Variants in TACC2 observed in about 807,000 individuals in gnomAD.
TACC2 encodes the protein transforming acidic coiled-coil-containing protein 2.
Under a neutral mutation model 227.3 loss-of-function variants are expected in TACC2, and 137 were observed. The ratio of observed to expected loss-of-function variants is 0.60; its 90% CI spans 0.52 to 0.69. The LOEUF is 0.69. Among genes scored for constraint, TACC2 ranks in the 30% least tolerant of loss-of-function variants. The pLI, the probability that TACC2 is intolerant of heterozygous loss-of-function variation, is 0.00. For synonymous variants in TACC2, 1,523 were observed against 1,487.5 expected, an observed-to-expected ratio of 1.02 and a Z score of -0.55; for missense variants, 3,470 against 3,694.4, an observed-to-expected ratio of 0.94 and a Z score of 1.57.
chr10:122,163,561 A>G (rs1280716244), intron 7 of TACC2: 4 of 993,154 alleles, frequency 4.0e-6, no homozygotes, highest in Non-Finnish European at 4.8e-6. Flanking sequence ...CGATGATGAC[A>G]TCATCGTGTC....
At chr10:122,096,714 A>C in intron 5 of TACC2, among the ~76,000 whole-genome samples, 1 of 142,316 alleles carries the variant, frequency 7.0e-6, no homozygotes, top group East Asian at 2.1e-4. Context: ...AAAAAAAAAG[A>C]CTGCCCCTCA....
chr10:122,236,600 C>T (rs945881206), intron 16 of TACC2, among the ~76,000 whole-genome samples: 5 of 152,210 alleles, frequency 3.3e-5, no homozygotes, highest in Admixed American at 2.0e-4. Flanking sequence ...TCCTCCTCCT[C>T]ACCTGTGGGA....
chr10:122,244,849 C>T (rs2096075001), intron 19 of TACC2, among the ~76,000 whole-genome samples: 1 of 152,168 alleles, frequency 6.6e-6, no homozygotes, highest in African/African-American at 2.4e-5. Flanking sequence ...TCAGTCCTGC[C>T]GTTGTTATTC....
At chr10:122,197,196 G>A (rs941591416) in intron 8 of TACC2, among the ~76,000 whole-genome samples, 5 of 152,174 alleles carry the variant, frequency 3.3e-5, no homozygotes, top group African/African-American at 7.2e-5. Context: ...GGGAGGTGGA[G>A]GTTGCAGTGA....
chr10:122,063,815 C>G (rs1228231194), intron 3 of TACC2, among the ~76,000 whole-genome samples: 1 of 140,136 alleles, frequency 7.1e-6, no homozygotes, highest in East Asian at 2.0e-4. Flanking sequence ...ATATATTATA[C>G]ATATATATTA....
At position 122,248,753 on chromosome 10, in the gene TACC2, C is replaced by G; in HGVS notation, c.8503C>G (p.Leu2835Val). Reference sequence around the variant, plus strand: ...CTCCGTGGAGAAGTCTCTGGCCGACCTCTTCAGAAGATATGAGAAGATGAA... The same window carrying G: ...CTCCGTGGAGAAGTCTCTGGCCGACGTCTTCAGAAGATATGAGAAGATGAA... ...LNSVEKSLAD[L>V]FRRYEKMKEV... The change falls in exon 20 of 23, where the codon CTC (leucine) becomes GTC (valine). Residue 2835 changes from leucine to valine, a missense_variant. Physicochemically the swap from Leu to Val is conservative, Grantham distance 32. This residue lies in a region of TACC2 where 65 missense variants were observed against 119.3 expected (regional missense o/e 0.54). Transcript: ENST00000369005. The G allele has an allele frequency of 6.2e-7, 1 of 1,614,188 alleles. No homozygotes were observed. Among genetic ancestry groups the G allele is most frequent in the Non-Finnish European group, 8.5e-7 (1 of 1,180,032 alleles).
chr10:122,068,756 C>T (rs892687179), intron 3 of TACC2, among the ~76,000 whole-genome samples: 10 of 151,650 alleles, frequency 6.6e-5, no homozygotes, highest in East Asian at 3.9e-4. Context: ...CTCCGCTTTC[C>T]GGGTTCAAGT....
At chr10:122,027,889 G>T (rs554467691) in intron 2 of TACC2, among the ~76,000 whole-genome samples, 1 of 151,404 alleles carries the variant, frequency 6.6e-6, no homozygotes, top group South Asian at 2.1e-4. Context: ...GACTACAGGC[G>T]CCTGTCACCA....
intron 5 of TACC2, among the ~76,000 whole-genome samples, chr10:122,096,614 T>C (rs1472355955): frequency 6.7e-6 from 1 of 150,250 alleles, no homozygotes. Flanking sequence ...GAGAATCACC[T>C]GAACCCAGGA....
intron 8 of TACC2, among the ~76,000 whole-genome samples, chr10:122,197,989 A>G (rs2094633318): frequency 6.6e-6 from 1 of 152,238 alleles, no homozygotes; most frequent in African/African-American, 2.4e-5. Context: ...CCAGGGGAAA[A>G]TCTATTGTTT....
chr10:122,171,362 TG>T (rs2093464710), intron 7 of TACC2, among the ~76,000 whole-genome samples: 1 of 145,554 alleles, frequency 6.9e-6, no homozygotes, highest in East Asian at 2.1e-4. Flanking sequence ...GGAGGTAGGG[TG>T]GGGTGGCCCC....
rs1017470911 is a variant in TACC2 at position 122,204,027 on chromosome 10, G to A, written c.5972-6370G>A. On this transcript the variant is annotated intron_variant, in intron 8 of 22. Transcript: ENST00000369005. ...ACGAAAACCAGTCAGGTGTGGCGGC[G>A]CGCGCCTGCAATCCCAGGCACTCGG... Among the ~76,000 whole-genome samples the A allele has an allele frequency of 5.3e-5, 8 of 151,376 alleles. No homozygotes were observed. The East Asian group carries it at 5.9e-4, about 11-fold the overall frequency.
At chr10:122,233,040 A>G (rs1387816481) in intron 16 of TACC2, among the ~76,000 whole-genome samples, 1 of 152,220 alleles carries the variant, frequency 6.6e-6, no homozygotes. Context: ...TGACTTCCAT[A>G]TCTCTCTAGA....
intron 16 of TACC2, among the ~76,000 whole-genome samples, chr10:122,233,837 G>A (rs2095805965): frequency 6.6e-6 from 1 of 152,218 alleles, no homozygotes; most frequent in Non-Finnish European, 1.5e-5. Flanking sequence ...ACCTGTGGGA[G>A]TGGCATAAGG....
chr10:122,204,254 C>T (rs1328292226), intron 8 of TACC2, among the ~76,000 whole-genome samples: 5 of 152,070 alleles, frequency 3.3e-5, no homozygotes, highest in African/African-American at 9.7e-5. Flanking sequence ...AGCACTTTTC[C>T]AGAGCGTCTC....
At chr10:122,182,167 T>C (rs573936780) in intron 7 of TACC2, among the ~76,000 whole-genome samples, 1 of 152,352 alleles carries the variant, frequency 6.6e-6, no homozygotes, top group Admixed American at 6.5e-5. Context: ...TCTGGAGAGT[T>C]TGCCTTTTTG....
intron 12 of TACC2, among the ~76,000 whole-genome samples, 163 bp downstream of exon 12, chr10:122,224,950 T>C (rs1022365454): frequency 1.3e-5 from 2 of 151,890 alleles, no homozygotes; most frequent in East Asian, 3.9e-4. Flanking sequence ...GCTGGGGGGT[T>C]GAGGTTTGTA....
At chr10:122,077,218 TTC>T (rs2078922461) in intron 3 of TACC2, among the ~76,000 whole-genome samples, 1 of 152,160 alleles carries the variant, frequency 6.6e-6, no homozygotes, top group Non-Finnish European at 1.5e-5. Flanking sequence ...GTTCAGTTGT[TTC>T]TGTCCATCCT....
Position 122,210,801 on chromosome 10 carries a change from C to T in TACC2, c.6376C>T (p.Arg2126Ter). 2.5e-6 allele frequency: 4 copies of T among 1,612,826 alleles called. No individual in the cohort carries two copies. The highest frequency in any genetic ancestry group is 3.4e-6 in the Non-Finnish European group (4 of 1,179,794). The change falls in exon 9 of 23, where the codon CGA (arginine) becomes TGA (stop). Residue 2126 changes from arginine (R) to a stop codon, truncating the protein, a stop_gained. Transcript: ENST00000369005. LOFTEE classifies it high-confidence loss of function. The surrounding 1 kb of genome is among the most constrained non-coding windows in gnomAD (Gnocchi z 4.6). ...GSSSASSTLK[R>*]TKKPRPPSLK... ...CAGCAGTGCTTCTAGTACCCTTAAG[C>T]GAACTAAAAAACCGAGGCCGCCTTC...
Sources: gnomAD v4.1 joint callset for allele counts (sites outside exome capture counted in the v4.1 genomes callset) on GRCh38, gnomAD v4.1.1 for gene constraint, gnomAD v4.1.1 regional missense constraint, Gnocchi (gnomAD v3.1) non-coding constraint, MANE v1.5 for transcripts, NCBI Gene and HGNC (gene_info 2026-07-23, HGNC 2026-07-21) for gene names.